Variants in FGF1 observed in about 807,000 individuals in gnomAD.
FGF1 encodes the protein beta-endothelial cell growth factor.
In FGF1, 9 loss-of-function variants were observed where a neutral mutation model predicts 13.4. The ratio of observed to expected loss-of-function variants is 0.67; its 90% CI spans 0.40 to 1.17. The LOEUF (loss-of-function observed/expected upper bound fraction) is 1.17, where lower values mean the gene tolerates loss of function less well. Ranked by LOEUF, FGF1 falls within the 50% of genes most tolerant of loss-of-function variation. The pLI is 0.01. For missense variants in FGF1, 156 were observed against 192.7 expected, an observed-to-expected ratio of 0.81 and a Z score of 1.13; for synonymous variants, 93 against 79.0, an observed-to-expected ratio of 1.18 and a Z score of -0.94.
At chr5:142,672,751 T>G (rs901621754) in intron 1 of FGF1, among the ~76,000 whole-genome samples, 1 of 152,166 alleles carries the variant, frequency 6.6e-6, no homozygotes, top group African/African-American at 2.4e-5. Flanking sequence ...GTGGTCTTCC[T>G]GCCTCGGCCT....
chr5:142,627,105 CTG>C (rs1762582387), intron 1 of FGF1: 1 of 152,126 alleles, frequency 6.6e-6, no homozygotes, highest in Non-Finnish European at 1.5e-5. Context: ...TAATATGAAC[CTG>C]TGTTTAGTGG....
chr5:142,692,685 G>GCACACACA (rs34754711), intron 2 of FGF1, among the ~76,000 whole-genome samples: 2 of 145,150 alleles, frequency 1.4e-5, no homozygotes, highest in African/African-American at 2.6e-5. Context: ...ACGCACACAC[G>GCACACACA]CACACACACA....
intron 1 of FGF1, among the ~76,000 whole-genome samples, chr5:142,638,581 G>A (rs1764662477): frequency 6.6e-6 from 1 of 152,046 alleles, no homozygotes; most frequent in Non-Finnish European, 1.5e-5. Context: ...TTGTAAATCT[G>A]CTAGAAGAAA....
At chr5:142,644,096 C>G (rs954285049) in intron 1 of FGF1, 3 of 152,188 alleles carry the variant, frequency 2.0e-5, no homozygotes, top group Middle Eastern at 3.2e-3. Context: ...AAAAGGAAAG[C>G]CTTAAAACAT....
intron 1 of FGF1, chr5:142,679,841 G>C (rs991205475): frequency 6.6e-6 from 1 of 152,222 alleles, no homozygotes; most frequent in Non-Finnish European, 1.5e-5. Flanking sequence ...GGCTTTCTAC[G>C]GGGTTAGTCT....
chr5:142,670,753 A>G (rs1771302802), intron 1 of FGF1, among the ~76,000 whole-genome samples: 3 of 152,220 alleles, frequency 2.0e-5, no homozygotes, highest in Non-Finnish European at 4.4e-5. Context: ...AGTTATTTGG[A>G]CTTCAGGGGT....
At chr5:142,646,270 G>A (rs1333107326) in intron 1 of FGF1, among the ~76,000 whole-genome samples, 1 of 139,876 alleles carries the variant, frequency 7.1e-6, no homozygotes, top group Non-Finnish European at 1.5e-5. Flanking sequence ...AGGCTGGAGT[G>A]CAGTGGTGCA....
chr5:142,638,020 A>C (rs1211028525), intron 1 of FGF1, among the ~76,000 whole-genome samples: 2 of 151,946 alleles, frequency 1.3e-5, no homozygotes, highest in African/African-American at 4.9e-5. Context: ...TTAAGAATCT[A>C]CTATGTTCTG....
At chr5:142,598,724 T>C (rs17223863) in intron 3 of FGF1, among the ~76,000 whole-genome samples, 2 of 152,202 alleles carry the variant, frequency 1.3e-5, no homozygotes, top group Non-Finnish European at 2.9e-5. Flanking sequence ...AACTTCTCTT[T>C]ATCAATGGGG....
intron 1 of FGF1, among the ~76,000 whole-genome samples, chr5:142,650,586 A>T (rs1055484695): frequency 2.0e-5 from 3 of 152,130 alleles, no homozygotes; most frequent in African/African-American, 7.2e-5. Context: ...ATAAATGATG[A>T]TGGCAGGGAG....
At chr5:142,676,012 C>T (rs954647994) in intron 1 of FGF1, among the ~76,000 whole-genome samples, 1 of 152,196 alleles carries the variant, frequency 6.6e-6, no homozygotes, top group Non-Finnish European at 1.5e-5. Context: ...AACAAGTAGC[C>T]TGTGTCTGCC....
intron 1 of FGF1, among the ~76,000 whole-genome samples, chr5:142,664,211 C>T (rs1769846108): frequency 6.6e-6 from 1 of 152,182 alleles, no homozygotes. Flanking sequence ...TTTCTGTTTG[C>T]CAAGCTGGCT....
intron 1 of FGF1, among the ~76,000 whole-genome samples, chr5:142,628,234 G>A (rs1312568659): frequency 1.3e-5 from 2 of 152,156 alleles, no homozygotes; most frequent in East Asian, 1.9e-4. Flanking sequence ...ATCAGGGCTG[G>A]GCGTGGTGGC....
At chr5:142,597,963 CT>C (rs1399798668) in intron 3 of FGF1, among the ~76,000 whole-genome samples, 2 of 152,200 alleles carry the variant, frequency 1.3e-5, no homozygotes, top group Non-Finnish European at 2.9e-5. Flanking sequence ...TATCCTGCTT[CT>C]TATTCATTCA....
intron 1 of FGF1, among the ~76,000 whole-genome samples, chr5:142,631,425 A>C (rs575732433): frequency 2.0e-5 from 3 of 152,330 alleles, no homozygotes; most frequent in African/African-American, 7.2e-5. Flanking sequence ...CTCAGGGCAA[A>C]CATTGCAAAG....
At chr5:142,601,255 G>T (rs34009) in intron 2 of FGF1, 115,685 of 401,106 alleles carry the variant, frequency 0.29, 17,741 homozygotes, top group Non-Finnish European at 0.33. Context: ...CTGCACAGGG[G>T]TGCCTTTTAA....
chr5:142,646,412 G>A (rs769495285), intron 1 of FGF1, among the ~76,000 whole-genome samples: 25 of 151,484 alleles, frequency 1.7e-4, no homozygotes, highest in South Asian at 4.2e-4. Context: ...GTGCAGTGGC[G>A]CGCAATCTCG....
intron 2 of FGF1, among the ~76,000 whole-genome samples, chr5:142,696,240 A>T (rs1040864512): frequency 6.6e-6 from 1 of 152,172 alleles, no homozygotes; most frequent in African/African-American, 2.4e-5. Flanking sequence ...GGCATGTAAG[A>T]GGGAGGAGCT....
At chr5:142,634,780 G>T (rs920923831) in intron 1 of FGF1, among the ~76,000 whole-genome samples, 4 of 152,172 alleles carry the variant, frequency 2.6e-5, no homozygotes, top group African/African-American at 9.7e-5. Context: ...CACTTTTGTG[G>T]ATAATGGTAC....
Sources: allele counts gnomAD v4.1 joint callset (sites outside exome capture counted in the v4.1 genomes callset), GRCh38; gene constraint gnomAD v4.1.1; transcripts MANE v1.5; gene names NCBI Gene and HGNC (gene_info 2026-07-23, HGNC 2026-07-21).